CCDC171: variants seen among roughly 807,000 people sequenced by gnomAD.
The protein encoded by CCDC171 is coiled-coil domain containing 171, also known as coiled-coil domain-containing protein 171.
CCDC171 carries 177 observed loss-of-function variants against 168.2 expected under a neutral mutation model. The observed-to-expected ratio is 1.05, with a 90% CI of 0.93 to 1.19. The LOEUF is 1.19. Ranked by LOEUF, CCDC171 falls within the 50% of genes most tolerant of loss-of-function variation. CCDC171 has a pLI of 0.00. For synonymous variants in CCDC171, 687 were observed against 540.8 expected (o/e 1.27, Z -3.75); for missense variants, 1,991 against 1,539.0 (o/e 1.29, Z -4.91).
At chr9:15,799,726 G>T (rs1341736) in intron 21 of CCDC171, among the ~76,000 whole-genome samples, 69,987 of 151,246 alleles carry the variant, frequency 0.46, 16,290 homozygotes, top group South Asian at 0.54. Flanking sequence ...CTTTCTCTCT[G>T]TTTTTTTTGC....
chr9:15,634,588 G>A (rs999397886), intron 7 of CCDC171, among the ~76,000 whole-genome samples: 25 of 152,258 alleles, frequency 1.6e-4, no homozygotes, highest in Non-Finnish European at 3.4e-4. Context: ...GCTACTTGGG[G>A]TAAGGGTGGA....
intron 7 of CCDC171, among the ~76,000 whole-genome samples, chr9:15,634,029 G>C (rs978877530): frequency 4.6e-5 from 7 of 151,612 alleles, no homozygotes; most frequent in Admixed American, 4.6e-4. Flanking sequence ...CTGTTGTGGG[G>C]TGGGGAGAGG....
chr9:15,887,519 T>G (rs1248814134), intron 24 of CCDC171, among the ~76,000 whole-genome samples: 1 of 152,102 alleles, frequency 6.6e-6, no homozygotes, highest in Non-Finnish European at 1.5e-5. Flanking sequence ...TTTTAAGGTA[T>G]TTGTTTGAGT....
At chr9:15,822,511 A>G in intron 21 of CCDC171, among the ~76,000 whole-genome samples, 1 of 152,162 alleles carries the variant, frequency 6.6e-6, no homozygotes, top group Non-Finnish European at 1.5e-5. Flanking sequence ...ACCCACATGA[A>G]CAAGTGGGCG....
chr9:15,825,744 AT>A (rs2059985013), intron 21 of CCDC171, among the ~76,000 whole-genome samples: 1 of 152,130 alleles, frequency 6.6e-6, no homozygotes, highest in Non-Finnish European at 1.5e-5. Flanking sequence ...GATTGCAATA[AT>A]TCTAGAAGTG....
intron 18 of CCDC171, among the ~76,000 whole-genome samples, chr9:15,765,816 A>C (rs1036453554): frequency 6.6e-6 from 1 of 152,198 alleles, no homozygotes; most frequent in South Asian, 2.1e-4. Context: ...TTGAAAGTAT[A>C]TGCAAGAGTA....
chr9:15,811,306 T>G (rs889207530), intron 21 of CCDC171, among the ~76,000 whole-genome samples: 1 of 152,202 alleles, frequency 6.6e-6, no homozygotes, highest in Non-Finnish European at 1.5e-5. Context: ...AGGCAAAAAC[T>G]ATAATTAGAT....
intron 3 of CCDC171, among the ~76,000 whole-genome samples, chr9:16,014,083 A>T (rs1164571701): frequency 1.6e-5 from 2 of 128,752 alleles, no homozygotes; most frequent in African/African-American, 5.4e-5. Context: ...ATAGCATTTT[A>T]CACATAGTGG....
At chr9:16,031,569 G>C (rs1833364355) in intron 6 of CCDC171, among the ~76,000 whole-genome samples, 1 of 152,202 alleles carries the variant, frequency 6.6e-6, no homozygotes, top group African/African-American at 2.4e-5. Flanking sequence ...TGGTCAGGGA[G>C]CTGCTCCCTC....
intron 21 of CCDC171, among the ~76,000 whole-genome samples, chr9:15,790,510 G>C (rs966945051): frequency 6.6e-6 from 1 of 152,136 alleles, no homozygotes; most frequent in Non-Finnish European, 1.5e-5. Flanking sequence ...TTTGTCAGAT[G>C]AGTAGATTGC....
At chr9:15,872,301 CAATA>C (rs1424451013) in intron 23 of CCDC171, among the ~76,000 whole-genome samples, 10 of 151,748 alleles carry the variant, frequency 6.6e-5, no homozygotes, top group African/African-American at 2.2e-4. Context: ...ATTGAAATGA[CAATA>C]AATCAGTTTC....
chr9:15,778,682 T>C (rs2135408737), intron 19 of CCDC171, among the ~76,000 whole-genome samples: 1 of 146,298 alleles, frequency 6.8e-6, no homozygotes, highest in South Asian at 2.2e-4. Flanking sequence ...ACATTAGTGC[T>C]AAATTTAATG....
At chr9:15,634,155 C>T (rs905298805) in intron 7 of CCDC171, among the ~76,000 whole-genome samples, 3 of 151,672 alleles carry the variant, frequency 2.0e-5, no homozygotes, top group African/African-American at 7.3e-5. Flanking sequence ...TGTACATGTA[C>T]CCTAAAACTT....
intron 10 of CCDC171, among the ~76,000 whole-genome samples, chr9:15,688,330 C>G (rs964244959): frequency 6.6e-6 from 1 of 151,968 alleles, no homozygotes; most frequent in Non-Finnish European, 1.5e-5. Flanking sequence ...TAAATTCTTT[C>G]AAAAATAGAA....
chr9:15,974,540 A>G (rs759225225), downstream of CCDC171, among the ~76,000 whole-genome samples: 4 of 152,190 alleles, frequency 2.6e-5, no homozygotes, highest in Non-Finnish European at 5.9e-5. Context: ...CTAGAAACAC[A>G]CCTATATCAC....
At chr9:15,642,874 A>G (rs929577406) in intron 7 of CCDC171, among the ~76,000 whole-genome samples, 2 of 152,156 alleles carry the variant, frequency 1.3e-5, no homozygotes, top group African/African-American at 4.8e-5. Context: ...TTAATTAACT[A>G]ATTAATATAT....
downstream of CCDC171, among the ~76,000 whole-genome samples, chr9:16,064,332 G>A (rs56659337): frequency 0.035 from 5,312 of 152,190 alleles, 329 homozygotes; most frequent in African/African-American, 0.12. Flanking sequence ...GAAGATGGCC[G>A]AATTGTCTTC....
chr9:15,811,318 C>T (rs185937565), intron 21 of CCDC171, among the ~76,000 whole-genome samples: 32 of 152,276 alleles, frequency 2.1e-4, no homozygotes, highest in Non-Finnish European at 3.5e-4. Flanking sequence ...TAATTAGATA[C>T]AGCATACCTC....
intron 3 of CCDC171, among the ~76,000 whole-genome samples, chr9:16,016,930 C>G (rs1007307125): frequency 6.6e-6 from 1 of 152,102 alleles, no homozygotes; most frequent in Non-Finnish European, 1.5e-5. Flanking sequence ...ACAGCATGCA[C>G]AAATACTTTT....
Sources: gnomAD v4.1 joint callset for allele counts (sites outside exome capture counted in the v4.1 genomes callset) on GRCh38, gnomAD v4.1.1 for gene constraint, MANE v1.5 for transcripts, NCBI Gene and HGNC (gene_info 2026-07-23, HGNC 2026-07-21) for gene names.